ARHGAP10: variants seen among roughly 807,000 people sequenced by gnomAD.
ARHGAP10 encodes the protein Rho GTPase activating protein 10, also known as rho GTPase-activating protein 10.
A neutral mutation model predicts 108.6 loss-of-function variants in ARHGAP10; 87 were observed. The ratio of observed to expected loss-of-function variants is 0.80; its 90% CI spans 0.67 to 0.96. The LOEUF (loss-of-function observed/expected upper bound fraction) is 0.96. Among genes scored for constraint, ARHGAP10 ranks in the 40% least tolerant of loss-of-function variants. The probability of loss-of-function intolerance (pLI) is 0.00; values close to 1 mark genes in which losing one functional copy is unlikely to be tolerated. For missense variants in ARHGAP10, 939 were observed against 954.5 expected, an observed-to-expected ratio of 0.98 and a Z score of 0.21; for synonymous variants, 347 against 341.1, an observed-to-expected ratio of 1.02 and a Z score of -0.19.
chr4:147,991,279 A>G (rs1270161222), intron 18 of ARHGAP10, among the ~76,000 whole-genome samples: 10 of 151,976 alleles, frequency 6.6e-5, no homozygotes, highest in Non-Finnish European at 1.5e-4. Flanking sequence ...GACCCGTGAG[A>G]CTCTGCATTT....
chr4:147,786,416 G>T lies in ARHGAP10; in HGVS notation c.155-36311G>T, dbSNP rs139757477. Among the ~76,000 whole-genome samples the T allele has an allele frequency of 9.8e-5, 15 of 152,314 alleles. No individual in the cohort carries two copies. The South Asian group carries it at 1.9e-3, about 19-fold the overall frequency. ...CTGCGGCATCCTGAAAAGCAGCTTA[G>T]TTCTTAGCAATGGCAGGGAGAAGTG... On this transcript the variant is annotated intron_variant, in intron 1 of 22. Transcript: ENST00000336498.
At chr4:147,760,363 T>C (rs1433250517) in intron 1 of ARHGAP10, among the ~76,000 whole-genome samples, 7 of 152,242 alleles carry the variant, frequency 4.6e-5, no homozygotes, top group Non-Finnish European at 8.8e-5. Context: ...TCTAGAGAGC[T>C]TAACCAGCTT....
chr4:147,769,921 TC>T (rs1730003502), intron 1 of ARHGAP10, among the ~76,000 whole-genome samples: 2 of 152,204 alleles, frequency 1.3e-5, no homozygotes, highest in South Asian at 4.1e-4. Flanking sequence ...AAGGAGTACT[TC>T]ATTGAGCTAA....
intron 3 of ARHGAP10, among the ~76,000 whole-genome samples, chr4:147,842,246 T>G (rs1009019414): frequency 4.6e-5 from 7 of 152,102 alleles, no homozygotes; most frequent in African/African-American, 1.7e-4. Flanking sequence ...GTGAAACCCT[T>G]ATATTCTTTT....
At chr4:147,822,198 G>T (rs1732529114) in intron 1 of ARHGAP10, among the ~76,000 whole-genome samples, 1 of 152,192 alleles carries the variant, frequency 6.6e-6, no homozygotes, top group African/African-American at 2.4e-5. Flanking sequence ...CTTCTCTGAT[G>T]CTGTTTTCTA....
intron 10 of ARHGAP10, among the ~76,000 whole-genome samples, chr4:147,901,258 A>T (rs1040156194): frequency 3.3e-5 from 5 of 152,238 alleles, no homozygotes; most frequent in Admixed American, 1.3e-4. Flanking sequence ...TCCTACACTA[A>T]TACTTTAGAG....
rs553632915 is a variant in ARHGAP10 at position 147,893,221 on chromosome 4, G to C, written c.1034+11289G>C. Reference sequence around the variant, plus strand: ...TTACAGGTGTGAGCCACCATGCCCAGCTAATTTTTGTATTTTTAGTAGAGA... The same window carrying C: ...TTACAGGTGTGAGCCACCATGCCCACCTAATTTTTGTATTTTTAGTAGAGA... On this transcript the variant is annotated intron_variant, in intron 10 of 22. Coordinates refer to ENST00000336498, the MANE Select transcript of ARHGAP10 (RefSeq NM_024605.4). Among the ~76,000 whole-genome samples, 4 of 151,996 alleles carry C rather than the reference G, an allele frequency of 2.6e-5. No individual in the cohort carries two copies. The South Asian group carries it at 8.3e-4, about 32-fold the overall frequency.
intron 7 of ARHGAP10, among the ~76,000 whole-genome samples, chr4:147,873,889 A>ATG (rs1553959040): frequency 1.4e-5 from 2 of 147,944 alleles, no homozygotes. Flanking sequence ...AAAAAAAAAA[A>ATG]GGGGGGATAA....
At chr4:147,853,394 A>T (rs1180691836) in intron 4 of ARHGAP10, among the ~76,000 whole-genome samples, 1 of 152,232 alleles carries the variant, frequency 6.6e-6, no homozygotes, top group South Asian at 2.1e-4. Flanking sequence ...AACAGTAAAC[A>T]TTATTTAATT....
intron 22 of ARHGAP10, among the ~76,000 whole-genome samples, chr4:148,068,298 A>G (rs1183093070): frequency 2.0e-5 from 3 of 152,172 alleles, no homozygotes; most frequent in African/African-American, 7.2e-5. Context: ...GTCAACATCC[A>G]CATGTAGATG....
intron 1 of ARHGAP10, among the ~76,000 whole-genome samples, chr4:147,798,757 CTCTCTCTCTCTCTCTCTCTCTCTCTATA>C (rs1434214887): frequency 5.7e-4 from 22 of 38,608 alleles, no homozygotes; most frequent in Non-Finnish European, 8.3e-4. Flanking sequence ...CTCTCTCTCT[CTCTCTCTCTCTCTCTCTCTCTCTCTATA>C]TATATATATA....
intron 3 of ARHGAP10, among the ~76,000 whole-genome samples, chr4:147,840,388 C>T (rs927033234): frequency 9.9e-5 from 15 of 152,216 alleles, no homozygotes; most frequent in African/African-American, 2.9e-4. Flanking sequence ...TCTCTTCCTC[C>T]CCACTCACAT....
intron 18 of ARHGAP10, among the ~76,000 whole-genome samples, chr4:148,020,678 T>G (rs1465394885): frequency 2.0e-5 from 3 of 152,188 alleles, no homozygotes; most frequent in Non-Finnish European, 4.4e-5. Flanking sequence ...CCACATTTTC[T>G]TTATCCAGTC....
intron 22 of ARHGAP10, among the ~76,000 whole-genome samples, chr4:148,069,673 G>C (rs1253015896): frequency 6.6e-6 from 1 of 152,180 alleles, no homozygotes. Flanking sequence ...CCTCCTCATA[G>C]CAGGTCCTGC....
chr4:147,740,047 C>CTTTTTTTT (rs59246980), intron 1 of ARHGAP10, among the ~76,000 whole-genome samples: 1 of 118,904 alleles, frequency 8.4e-6, no homozygotes, highest in African/African-American at 3.1e-5. Flanking sequence ...TACTGGGTTA[C>CTTTTTTTT]TTTTTTTTTT....
At chr4:147,804,061 T>C (rs1404419790) in intron 1 of ARHGAP10, among the ~76,000 whole-genome samples, 1 of 151,752 alleles carries the variant, frequency 6.6e-6, no homozygotes, top group Non-Finnish European at 1.5e-5. Context: ...GTAAACTGTG[T>C]GTCACGGGGG....
intron 10 of ARHGAP10, among the ~76,000 whole-genome samples, chr4:147,901,138 T>A (rs1016595335): frequency 5.3e-5 from 8 of 152,246 alleles, no homozygotes; most frequent in African/African-American, 1.9e-4. Context: ...GTCCAATGTT[T>A]CTCAAAGTCT....
intron 1 of ARHGAP10, among the ~76,000 whole-genome samples, chr4:147,747,601 T>C (rs1409922581): frequency 4.6e-5 from 7 of 152,064 alleles, no homozygotes; most frequent in Non-Finnish European, 7.4e-5. Context: ...AGGATATGAG[T>C]GGAGAAGTTC....
chr4:148,031,406 T>C (rs1202092689), intron 19 of ARHGAP10, among the ~76,000 whole-genome samples: 1 of 152,198 alleles, frequency 6.6e-6, no homozygotes, highest in African/African-American at 2.4e-5. Flanking sequence ...GTAGTATTAT[T>C]ATCCCTATTT....
Sources: allele counts gnomAD v4.1 joint callset (sites outside exome capture counted in the v4.1 genomes callset), GRCh38; gene constraint gnomAD v4.1.1; transcripts MANE v1.5; gene names NCBI Gene and HGNC (gene_info 2026-07-23, HGNC 2026-07-21).